The following VPS13A variants were observed in gnomAD, a reference collection of about 807,000 sequenced individuals.
The protein encoded by VPS13A is vacuolar protein sorting 13 homolog A.
In VPS13A, 264 loss-of-function variants were observed where a neutral mutation model predicts 390.9. That is an observed-to-expected ratio of 0.68 (90% CI 0.61 to 0.75). The LOEUF (loss-of-function observed/expected upper bound fraction) is 0.75, where lower values mean the gene tolerates loss of function less well. VPS13A is among the 30% of genes least tolerant of loss of function. The probability of loss-of-function intolerance (pLI) is 0.00; values close to 1 mark genes in which losing one functional copy is unlikely to be tolerated. For missense variants in VPS13A, 3,409 were observed against 3,733.9 expected, an observed-to-expected ratio of 0.91 and a Z score of 2.27; for synonymous variants, 1,231 against 1,227.1, an observed-to-expected ratio of 1.00 and a Z score of -0.07.
chr9:77,267,643 G>A (rs1340239078), intron 23 of VPS13A, among the ~76,000 whole-genome samples: 1 of 152,204 alleles, frequency 6.6e-6, no homozygotes, highest in Non-Finnish European at 1.5e-5. Context: ...AGGCATGGGG[G>A]TCAGGGCCCC....
intron 71 of VPS13A, among the ~76,000 whole-genome samples, chr9:77,413,430 A>G (rs1255688168): frequency 6.6e-6 from 1 of 152,208 alleles, no homozygotes; most frequent in Admixed American, 6.5e-5. Flanking sequence ...CCTCAGAAAT[A>G]ACGCCGCATA....
At chr9:77,283,762 T>TA (rs2131350828) in intron 31 of VPS13A, 112 bp downstream of exon 31, 1 of 871,258 alleles carries the variant, frequency 1.1e-6, no homozygotes, top group East Asian at 2.8e-5. Context: ...TGGCTTATTA[T>TA]GTGCATGGGT....
intron 53 of VPS13A, among the ~76,000 whole-genome samples, 155 bp downstream of exon 53, chr9:77,351,601 T>G (rs925316775): frequency 2.6e-5 from 4 of 152,200 alleles, no homozygotes; most frequent in Non-Finnish European, 4.4e-5. Flanking sequence ...TGAAACCCTG[T>G]CTCTCCTAAA....
Position 77,321,657 on chromosome 9 carries a change from G to C in VPS13A, c.5741G>C (p.Ser1914Thr), listed in dbSNP as rs1366954875. ...AKSYVLKNGE[S>T]LSMDYIRTKD... is the part of the protein sequence containing the mutation. The stretch of plus-strand genomic sequence containing the variant: ...TCATATGTATTGAAAAATGGAGAAA[G>C]TTTAAGTATGGATTATATCCGAACC... The change falls in exon 44 of 72, where the codon AGT (serine) becomes ACT (threonine). Residue 1914 changes from serine (S) to threonine (T), a missense_variant. Around this residue, in one of 5 missense-constraint regions of VPS13A, gnomAD observed 2,717 missense variants for 2,917.4 expected, o/e 0.93. Coordinates refer to ENST00000360280, the MANE Select transcript of VPS13A (RefSeq NM_033305.3). The C allele has an allele frequency of 1.9e-6, 3 of 1,613,284 alleles. No homozygotes were observed. In the South Asian group the frequency reaches 3.3e-5, roughly 18 times the overall value.
intron 33 of VPS13A, among the ~76,000 whole-genome samples, chr9:77,299,265 A>G (rs1316801849): frequency 6.6e-6 from 1 of 152,074 alleles, no homozygotes; most frequent in Non-Finnish European, 1.5e-5. Flanking sequence ...TCCATATGAA[A>G]TTTGAAGTAG....
At chr9:77,286,954 C>T (rs993448166) in intron 31 of VPS13A, among the ~76,000 whole-genome samples, 5 of 151,982 alleles carry the variant, frequency 3.3e-5, no homozygotes, top group African/African-American at 1.2e-4. Flanking sequence ...TACCTGAAGT[C>T]TCCTAGACCA....
At chr9:77,350,693 T>TC (rs1238788710) in intron 52 of VPS13A, among the ~76,000 whole-genome samples, 1 of 152,226 alleles carries the variant, frequency 6.6e-6, no homozygotes. Flanking sequence ...TAGGGTTTTT[T>TC]CCCCCCTATT....
chr9:77,221,048 AAAGG>A, intron 12 of VPS13A, 133 bp from the exon 13 acceptor site: 1 of 843,816 alleles, frequency 1.2e-6, no homozygotes, highest in Non-Finnish European at 1.9e-6. Context: ...AGTTGGGTAA[AAAGG>A]AAGTACTCAG....
At chr9:77,399,203 AAAC>A (rs1313356526) in intron 68 of VPS13A, among the ~76,000 whole-genome samples, 38 of 94,274 alleles carry the variant, frequency 4.0e-4, no homozygotes, top group South Asian at 7.2e-4. Flanking sequence ...AAAAAAAAAA[AAAC>A]AAAGGATACG....
intron 67 of VPS13A, among the ~76,000 whole-genome samples, chr9:77,381,045 T>G (rs950347742): frequency 2.0e-5 from 3 of 152,224 alleles, no homozygotes; most frequent in Admixed American, 1.3e-4. Context: ...GTGATACTTG[T>G]TGAGTGAACA....
Position 77,252,340 on chromosome 9 carries a change from T to C in VPS13A, c.2276T>C (p.Val759Ala), listed in dbSNP as rs1825189910. Reference protein sequence around the residue: ...ELSKAMVFMDVRMPKFKIYGK... With the variant: ...ELSKAMVFMDARMPKFKIYGK... ...TCTAAGGCCATGGTTTTCATGGATG[T>C]AAGGATGCCCAAGTATGTACTGTTT... Residue 759 changes from valine (V) to alanine (A), a missense_variant, in exon 22 of 72, where the codon GTA becomes GCA. Val to Ala is a moderately conservative substitution (Grantham distance 64). Transcript: ENST00000360280. 1.9e-6 allele frequency: 3 copies of C among 1,612,436 alleles called. No homozygotes were observed. Among genetic ancestry groups the C allele is most frequent in the Non-Finnish European group, 2.5e-6 (3 of 1,178,476 alleles).
At chr9:77,318,715 T>C (rs1015423712) in intron 41 of VPS13A, 124 bp downstream of exon 41, 24 of 1,029,438 alleles carry the variant, frequency 2.3e-5, no homozygotes, top group African/African-American at 1.8e-4. Context: ...AAATATGATA[T>C]TGGGTCAAAA....
chr9:77,207,310 A>G (rs1436921478), intron 5 of VPS13A, among the ~76,000 whole-genome samples: 1 of 141,142 alleles, frequency 7.1e-6, no homozygotes, highest in Non-Finnish European at 1.5e-5. Context: ...ATATTTTATA[A>G]CATATAATTA....
intron 68 of VPS13A, among the ~76,000 whole-genome samples, chr9:77,400,197 AAT>A (rs1834311368): frequency 1.5e-5 from 2 of 137,782 alleles, no homozygotes; most frequent in African/African-American, 5.9e-5. Flanking sequence ...AGTTATAGTG[AAT>A]ATTTTCTCAT....
intron 14 of VPS13A, 67 bp downstream of exon 14, chr9:77,226,055 T>TC: frequency 7.2e-7 from 1 of 1,393,888 alleles, no homozygotes; most frequent in South Asian, 1.2e-5. Context: ...AGATGTGATA[T>TC]TATTAATCTT....
At chr9:77,266,060 A>T (rs1378199554) in intron 23 of VPS13A, among the ~76,000 whole-genome samples, 1 of 152,190 alleles carries the variant, frequency 6.6e-6, no homozygotes, top group Non-Finnish European at 1.5e-5. Context: ...CCCAGTAGTC[A>T]TTCAGGAGCA....
At chr9:77,190,048 G>C (rs555380236) in intron 1 of VPS13A, among the ~76,000 whole-genome samples, 2 of 152,174 alleles carry the variant, frequency 1.3e-5, no homozygotes, top group East Asian at 3.9e-4. Context: ...CTGCAAACAG[G>C]GATGATTTGA....
At chr9:77,307,484 C>T (rs1411807274) in intron 34 of VPS13A, among the ~76,000 whole-genome samples, 1 of 152,096 alleles carries the variant, frequency 6.6e-6, no homozygotes, top group East Asian at 1.9e-4. Context: ...ATTTCAGGAT[C>T]ATATTCCATA....
At chr9:77,299,293 A>T (rs967738503) in intron 33 of VPS13A, among the ~76,000 whole-genome samples, 1 of 152,122 alleles carries the variant, frequency 6.6e-6, no homozygotes, top group Non-Finnish European at 1.5e-5. Context: ...TAATTCTGTG[A>T]AGAAAGTCAG....
Sources: allele counts gnomAD v4.1 joint callset (sites outside exome capture counted in the v4.1 genomes callset), GRCh38; gene constraint gnomAD v4.1.1; regional missense constraint gnomAD v4.1.1; transcripts MANE v1.5; gene names NCBI Gene and HGNC (gene_info 2026-07-23, HGNC 2026-07-21).